Variants in XKR9 observed in about 807,000 individuals in gnomAD.
The protein encoded by XKR9 is XK-related protein 9.
XKR9 carries 32 observed loss-of-function variants against 32.0 expected under a neutral mutation model. That is an observed-to-expected ratio of 1.00 (90% CI 0.76 to 1.34). The LOEUF is 1.34. Ranked by LOEUF, XKR9 falls within the 40% of genes most tolerant of loss-of-function variation. The pLI, the probability that XKR9 is intolerant of heterozygous loss-of-function variation, is 0.00. For synonymous variants in XKR9, 168 were observed against 143.4 expected, an observed-to-expected ratio of 1.17 and a Z score of -1.22; for missense variants, 546 against 429.7, an observed-to-expected ratio of 1.27 and a Z score of -2.39.
intron 3 of XKR9, among the ~76,000 whole-genome samples, chr8:70,700,121 G>T (rs1805463839): frequency 6.6e-6 from 1 of 152,084 alleles, no homozygotes; most frequent in Non-Finnish European, 1.5e-5. Flanking sequence ...TTTGCCTTTG[G>T]TTTGAATTTC....
chr8:70,741,301 C>T (rs992086975), intron 2 of XKR9, among the ~76,000 whole-genome samples: 1 of 152,222 alleles, frequency 6.6e-6, no homozygotes, highest in Non-Finnish European at 1.5e-5. Flanking sequence ...CTAGCACACT[C>T]TTGCTGTCAC....
intron 2 of XKR9, among the ~76,000 whole-genome samples, chr8:70,787,591 C>G (rs528479019): frequency 6.6e-6 from 1 of 152,020 alleles, no homozygotes; most frequent in South Asian, 2.1e-4. Flanking sequence ...GATAAACTTA[C>G]GTAACAGTGC....
chr8:70,893,494 T>C, the XKR9 span, among the ~76,000 whole-genome samples: 2 of 152,206 alleles, frequency 1.3e-5, no homozygotes, highest in Non-Finnish European at 2.9e-5. Context: ...GTGGCTTTCA[T>C]AGATTAAGAA....
chr8:70,921,286 G>T, the XKR9 span, among the ~76,000 whole-genome samples: 1 of 152,186 alleles, frequency 6.6e-6, no homozygotes, highest in East Asian at 1.9e-4. Context: ...TTCTGTGGAG[G>T]CCTCTGCAAT....
chr8:70,696,580 C>T (rs1255816852), intron 3 of XKR9, among the ~76,000 whole-genome samples: 1 of 149,002 alleles, frequency 6.7e-6, no homozygotes, highest in Non-Finnish European at 1.5e-5. Context: ...GTTTTGGTTA[C>T]TGTAGCCTTG....
rs372770211 is a variant in XKR9, at chr8:70,734,273, C to G, written c.971C>G (p.Thr324Ser). 19 of 1,612,490 alleles carry G rather than the reference C, an allele frequency of 1.2e-5. 1 individual carries two copies. In the South Asian group the frequency reaches 1.3e-4, roughly 11 times the overall value. ...GACTATTTTATACCTATCAGTATAACTATAGTTCTTACTCTTCTTCTTGGA... is the reference window on the plus strand; with the variant it reads ...GACTATTTTATACCTATCAGTATAAGTATAGTTCTTACTCTTCTTCTTGGA... ...NPDYFIPISITIVLTLLLGIL... is the reference protein window; with the variant it reads ...NPDYFIPISISIVLTLLLGIL... The change falls in exon 5 of 5, where the codon ACT (threonine) becomes AGT (serine). Residue 324 changes from threonine to serine, a missense_variant. Physicochemically the swap from Thr to Ser is moderately conservative, Grantham distance 58. Coordinates refer to ENST00000408926, the MANE Select transcript of XKR9 (RefSeq NM_001011720.2).
the XKR9 span, among the ~76,000 whole-genome samples, chr8:70,837,998 C>T: frequency 3.3e-5 from 5 of 152,090 alleles, no homozygotes; most frequent in South Asian, 1.0e-3. Flanking sequence ...GAAATCTTGA[C>T]TATTGTTGCT....
intron 2 of XKR9, among the ~76,000 whole-genome samples, chr8:70,680,575 G>A (rs1448159580): frequency 6.6e-6 from 1 of 151,950 alleles, no homozygotes; most frequent in Non-Finnish European, 1.5e-5. Context: ...TTGTGGGTAG[G>A]TCATATTTTT....
intron 2 of XKR9, among the ~76,000 whole-genome samples, chr8:70,766,633 G>A (rs934945255): frequency 9.9e-5 from 15 of 152,170 alleles, no homozygotes; most frequent in Admixed American, 8.5e-4. Flanking sequence ...CCAATACTAT[G>A]TTTAATTGGA....
At chr8:70,702,412 G>T (rs577374137) in intron 3 of XKR9, among the ~76,000 whole-genome samples, 2 of 152,002 alleles carry the variant, frequency 1.3e-5, no homozygotes, top group Non-Finnish European at 2.9e-5. Context: ...GTTATTGAAC[G>T]TAATGTTCTA....
At chr8:70,709,671 C>T (rs1805842715) in intron 4 of XKR9, among the ~76,000 whole-genome samples, 1 of 152,010 alleles carries the variant, frequency 6.6e-6, no homozygotes, top group South Asian at 2.1e-4. Flanking sequence ...AAGCTGAGAG[C>T]CAAATCAAGA....
chr8:70,921,325 AAG>A, the XKR9 span, among the ~76,000 whole-genome samples: 1 of 152,142 alleles, frequency 6.6e-6, no homozygotes, highest in Non-Finnish European at 1.5e-5. Context: ...CTCCATGATG[AAG>A]GGAGACTAAG....
the XKR9 span, among the ~76,000 whole-genome samples, chr8:70,904,947 C>T: frequency 5.3e-5 from 8 of 152,180 alleles, no homozygotes; most frequent in Admixed American, 3.9e-4. Context: ...TGGATATTGG[C>T]CCCCACTCTC....
intron 2 of XKR9, among the ~76,000 whole-genome samples, chr8:70,781,626 C>T (rs1807618261): frequency 6.6e-6 from 1 of 150,604 alleles, no homozygotes; most frequent in Non-Finnish European, 1.5e-5. Context: ...TGATAATAGC[C>T]ATTCTAACTG....
the XKR9 span, among the ~76,000 whole-genome samples, chr8:70,943,281 A>G: frequency 6.6e-6 from 1 of 152,168 alleles, no homozygotes; most frequent in African/African-American, 2.4e-5. Context: ...TGATTTAACA[A>G]TTGTTGGTCA....
At chr8:70,817,264 G>A in the XKR9 span, among the ~76,000 whole-genome samples, 1 of 152,080 alleles carries the variant, frequency 6.6e-6, no homozygotes, top group East Asian at 1.9e-4. Flanking sequence ...ACTGATAAAT[G>A]ACTTCAGTAA....
At chr8:70,913,199 G>A in the XKR9 span, among the ~76,000 whole-genome samples, 2 of 152,110 alleles carry the variant, frequency 1.3e-5, no homozygotes, top group Non-Finnish European at 2.9e-5. Context: ...CATTTTAAAT[G>A]TTTCCCAGCT....
At chr8:70,912,896 A>T in the XKR9 span, among the ~76,000 whole-genome samples, 1 of 152,228 alleles carries the variant, frequency 6.6e-6, no homozygotes, top group African/African-American at 2.4e-5. Context: ...CAAAGTAATT[A>T]AACAGCAAAG....
chr8:70,978,559 G>A, the XKR9 span, among the ~76,000 whole-genome samples: 5 of 152,168 alleles, frequency 3.3e-5, no homozygotes, highest in East Asian at 1.9e-4. Flanking sequence ...GTTGAATATC[G>A]GCCCCCACTC....
Sources: allele counts gnomAD v4.1 joint callset (sites outside exome capture counted in the v4.1 genomes callset), GRCh38; gene constraint gnomAD v4.1.1; transcripts MANE v1.5; gene names NCBI Gene and HGNC (gene_info 2026-07-23, HGNC 2026-07-21).